The following LDHA variants were observed in gnomAD, a reference collection of about 807,000 sequenced individuals.
The protein encoded by LDHA is L-lactate dehydrogenase A chain.
Under a neutral mutation model 36.3 loss-of-function variants are expected in LDHA, and 10 were observed. That is an observed-to-expected ratio of 0.28 (90% confidence interval 0.17 to 0.47). LDHA has a LOEUF of 0.47. Among genes scored for constraint, LDHA ranks in the 20% least tolerant of loss-of-function variants. LDHA has a pLI of 0.99. For synonymous variants in LDHA, 110 were observed against 136.7 expected (o/e 0.80, Z 1.36); for missense variants, 267 against 405.8 (o/e 0.66, Z 2.94).
rs2134038549 is a variant in LDHA at position 18,408,266 on chromosome 11, G to A, written c.*985G>A. 2.2e-6 allele frequency: 1 copy of A among 450,800 alleles called. No individual in the cohort carries two copies. Among genetic ancestry groups the A allele is most frequent in the East Asian group, 7.0e-5 (1 of 14,338 alleles). The allele number at this position is 450,800 out of a possible 1,614,324, so 27.9% of individuals were successfully genotyped here. The stretch of plus-strand genomic sequence containing the variant: ...CCCAGCACTTTGGGAAGCCCAGGTG[G>A]GCTGATCACTGGAGGCCAGGAATTG... On this transcript the variant is annotated 3_prime_UTR_variant, in exon 8 of 8. Transcript: ENST00000422447.
chr11:18,397,216 A>C, intron 2 of LDHA: 1 of 336,526 alleles, frequency 3.0e-6, no homozygotes, highest in East Asian at 4.9e-5. Flanking sequence ...CTGTATTAAC[A>C]TGCATGGATT....
In LDHA at chr11:18,402,548, T is replaced by A. The variant is rs1445954844; in HGVS notation, c.419-292T>A. The A allele has an allele frequency of 5.3e-5, 19 of 358,254 alleles. No individual in the cohort carries two copies. In the East Asian group the frequency reaches 1.2e-3, roughly 22 times the overall value. 22.2% of individuals were successfully genotyped at this position (358,254 alleles called of 1,614,324 possible). A position where few individuals can be genotyped will look rare whatever the true frequency, so the allele number is the denominator to read the frequency against. On this transcript the variant is annotated intron_variant, in intron 4 of 7. Coordinates refer to ENST00000422447, the MANE Select transcript of LDHA (RefSeq NM_005566.4). ...GCTGGCCTCAGGCAGTCCTCCCACC[T>A]CAGCCTCCCAAAGTGTTGGGATAAC...
intron 3 of LDHA, 45 bp from the exon 4 acceptor site, chr11:18,400,792 T>G (rs1866459237): frequency 6.5e-7 from 1 of 1,540,656 alleles, no homozygotes; most frequent in Admixed American, 1.7e-5. Flanking sequence ...TAGGTAAAAT[T>G]TATTCTAAAG....
intron 5 of LDHA, among the ~76,000 whole-genome samples, chr11:18,403,304 C>T (rs940514295): frequency 1.3e-5 from 2 of 152,132 alleles, no homozygotes; most frequent in African/African-American, 4.8e-5. Context: ...GCTGTTTATA[C>T]CTGACTTGTA....
Position 18,402,826 on chromosome 11 carries a change from C to T in LDHA, c.419-14C>T. ...GAGGATAATGGGTGATTTTTATTTT[C>T]TCCTTTTTCATAGTGGATATCTTGA... On this transcript the variant is annotated splice_polypyrimidine_tract_variant and intron_variant, in intron 4 of 7. Coordinates refer to ENST00000422447, the MANE Select transcript of LDHA (RefSeq NM_005566.4). 6.2e-7 allele frequency: 1 copy of T among 1,604,014 alleles called. No homozygotes were observed.
At chr11:18,402,787 T>C (rs1242546819) in intron 4 of LDHA, 53 bp from the exon 5 acceptor site, 1 of 1,375,776 alleles carries the variant, frequency 7.3e-7, no homozygotes, top group Non-Finnish European at 1.0e-6. Context: ...GTATATCTTT[T>C]TTGTGTGTAG....
intron 3 of LDHA, chr11:18,400,482 C>T (rs12274651): frequency 0.11 from 36,303 of 343,902 alleles, 2,851 homozygotes; most frequent in African/African-American, 0.26. Context: ...CACACACACA[C>T]GAAATTGCCT....
chr11:18,401,031 A>G (rs199956078), intron 4 of LDHA, 21 bp downstream of exon 4: 3 of 1,574,516 alleles, frequency 1.9e-6, no homozygotes, highest in African/African-American at 1.4e-5. Flanking sequence ...TGACTGCATA[A>G]AAATTGACAA....
chr11:18,399,365 T>C, intron 2 of LDHA, 66 bp from the exon 3 acceptor site: 2 of 1,117,124 alleles, frequency 1.8e-6, no homozygotes, highest in South Asian at 2.5e-5. Flanking sequence ...ATAGAAATTT[T>C]TCATGCTCTT....
At position 18,400,889 on chromosome 11, in the gene LDHA, T is replaced by C; in HGVS notation, c.297T>C (p.Arg99=). The C allele has an allele frequency of 6.2e-7, 1 of 1,613,530 alleles. No individual in the cohort carries two copies. Among genetic ancestry groups the C allele is most frequent in the Non-Finnish European group, 8.5e-7 (1 of 1,179,696 alleles). The change falls in exon 4 of 8, where the codon CGT becomes CGC. Residue 99 remains arginine, a synonymous_variant. Transcript: ENST00000422447. ...TGGTCATTATCACGGCTGGGGCACG[T>C]CAGCAAGAGGGAGAAAGCCGTCTTA... is the stretch of plus-strand genomic sequence containing the variant. ...SKLVIITAGA[R]QQEGESRLNL...
In LDHA at chr11:18,396,451, T is replaced by C. The variant is rs369245773; in HGVS notation, c.-24-368T>C. 1.4e-4 allele frequency: 71 copies of C among 506,774 alleles called. No homozygotes were observed. The East Asian group carries it at 2.2e-3, about 16-fold the overall frequency. 31.4% of individuals were successfully genotyped at this position (506,774 alleles called of 1,614,324 possible). A position where few individuals can be genotyped will look rare whatever the true frequency, so the allele number is the denominator to read the frequency against. On this transcript the variant is annotated intron_variant, in intron 1 of 7. Transcript: ENST00000422447. The stretch of plus-strand genomic sequence containing the variant: ...TCTGCACGTATCTCTGGTGTTTACT[T>C]GAGAAGCCTGGCTGTGTCCTTGCTG...
rs963174898 is a variant in LDHA, at chr11:18,403,949, G to A, written c.710+138G>A. ...GTGGTTTTTTTGTTTTGTTTTGTTT[G>A]AGACAGAATCTTGCCCTTTCGCACA... On this transcript the variant is annotated intron_variant, in intron 6 of 7. Coordinates refer to ENST00000422447, the MANE Select transcript of LDHA (RefSeq NM_005566.4). 4 of 681,710 alleles carry A rather than the reference G, an allele frequency of 5.9e-6. No homozygotes were observed. The South Asian group carries it at 6.2e-5, about 11-fold the overall frequency. The allele number at this position is 681,710 out of a possible 1,614,324, so 42.2% of individuals were successfully genotyped here. A position where few individuals can be genotyped will look rare whatever the true frequency, so the allele number is the denominator to read the frequency against.
chr11:18,407,508 T>C lies in LDHA; in HGVS notation c.*227T>C, dbSNP rs1298084537. ...TCTTGTGTAGTCTTCAACTGGTTAG[T>C]GTGAAATAGTTCTGCCACCTCTGAC... On this transcript the variant is annotated 3_prime_UTR_variant, in exon 8 of 8. Transcript: ENST00000422447. 4.5e-6 allele frequency: 4 copies of C among 894,466 alleles called. No homozygotes were observed. Among genetic ancestry groups the C allele is most frequent in the South Asian group, 2.8e-5 (2 of 70,324 alleles). The allele number at this position is 894,466 out of a possible 1,614,324, so 55.4% of individuals were successfully genotyped here. A position where few individuals can be genotyped will look rare whatever the true frequency, so the allele number is the denominator to read the frequency against.
intron 3 of LDHA, chr11:18,399,967 A>T (rs1290129739): frequency 5.1e-6 from 1 of 197,030 alleles, no homozygotes; most frequent in Non-Finnish European, 1.1e-5. Flanking sequence ...CGGGTGCAAG[A>T]GCCTGGGAAC....
intron 1 of LDHA, 134 bp downstream of exon 1, chr11:18,394,770 A>G: frequency 2.3e-6 from 1 of 426,026 alleles, no homozygotes; most frequent in Non-Finnish European, 4.8e-6. Context: ...TTCCAGAAGC[A>G]CAGCCCAGAG....
In LDHA at chr11:18,401,473, C is replaced by CTTT. The variant is rs58157049; in HGVS notation, c.418+483_418+485dup. Among the ~76,000 whole-genome samples, 155 of 68,582 alleles carry CTTT rather than the reference C, an allele frequency of 2.3e-3. 11 individuals carry two copies. The highest frequency in any genetic ancestry group is 2.6e-3 in the Non-Finnish European group (101 of 39,180). 45.0% of individuals were successfully genotyped at this position (68,582 alleles called of 152,430 possible). A position where few individuals can be genotyped will look rare whatever the true frequency, so the allele number is the denominator to read the frequency against. On this transcript the variant is annotated intron_variant, in intron 4 of 7. Coordinates refer to ENST00000422447, the MANE Select transcript of LDHA (RefSeq NM_005566.4). ...CATATTTATTGATTCATTTATTTTTCTTTTTTTTTTTTTTTTTTTTTTGAG... is the reference window on the plus strand; with the variant it reads ...CATATTTATTGATTCATTTATTTTTCTTTTTTTTTTTTTTTTTTTTTTTTTGAG...
chr11:18,405,270 C>G (rs536046167), intron 6 of LDHA, among the ~76,000 whole-genome samples, 179 bp from the exon 7 acceptor site: 32 of 152,270 alleles, frequency 2.1e-4, no homozygotes, highest in Admixed American at 4.6e-4. Context: ...ACTAACAGTA[C>G]TGTTAATGAA....
intron 7 of LDHA, 101 bp from the exon 8 acceptor site, chr11:18,407,016 T>C: frequency 4.7e-6 from 4 of 858,530 alleles, no homozygotes; most frequent in Non-Finnish European, 6.8e-6. Flanking sequence ...AAAAAAAAAT[T>C]AAAAAAAAAA....
chr11:18,402,511 T>A, intron 4 of LDHA: 1 of 320,364 alleles, frequency 3.1e-6, no homozygotes, highest in South Asian at 2.8e-5. Context: ...TTGCCCAGGC[T>A]GGTCTTGAAC....
Sources: gnomAD v4.1 joint callset for allele counts (sites outside exome capture counted in the v4.1 genomes callset) on GRCh38, gnomAD v4.1.1 for gene constraint, MANE v1.5 for transcripts, NCBI Gene and HGNC (gene_info 2026-07-23, HGNC 2026-07-21) for gene names.